The following SMCO4 variants were observed in gnomAD, a reference collection of about 807,000 sequenced individuals.
SMCO4 encodes single-pass membrane protein with coiled-coil domains 4, also known as single-pass membrane and coiled-coil domain-containing protein 4.
A neutral mutation model predicts 3.6 loss-of-function variants in SMCO4; 4 were observed. The observed-to-expected ratio is 1.11, with a 90% CI of 0.54 to 2.53. The LOEUF (loss-of-function observed/expected upper bound fraction) is 2.53, where lower values mean the gene tolerates loss of function less well. Ranked by LOEUF, SMCO4 falls within the 30% of genes most tolerant of loss-of-function variation. The pLI is 0.02. For missense variants in SMCO4, 70 were observed against 80.8 expected, an observed-to-expected ratio of 0.87 and a Z score of 0.51; for synonymous variants, 36 against 35.3, an observed-to-expected ratio of 1.02 and a Z score of -0.07.
chr11:93,530,188 G>A (rs1057389875), intron 1 of SMCO4, among the ~76,000 whole-genome samples: 1 of 152,182 alleles, frequency 6.6e-6, no homozygotes, highest in Non-Finnish European at 1.5e-5. Context: ...CAGGCATGGC[G>A]TTCACCAGGC....
At chr11:93,487,688 A>G (rs1483616169) in intron 2 of SMCO4, among the ~76,000 whole-genome samples, 3 of 152,194 alleles carry the variant, frequency 2.0e-5, no homozygotes, top group African/African-American at 7.2e-5. Context: ...GGATTAATAA[A>G]GTGCTTTTCT....
At chr11:93,508,419 G>A (rs963249653) in intron 1 of SMCO4, among the ~76,000 whole-genome samples, 1 of 152,196 alleles carries the variant, frequency 6.6e-6, no homozygotes, top group Non-Finnish European at 1.5e-5. Flanking sequence ...AAGTCAAACT[G>A]TAGGGCGTTG....
intron 1 of SMCO4, among the ~76,000 whole-genome samples, chr11:93,531,831 C>T (rs1949165659): frequency 6.6e-6 from 1 of 152,204 alleles, no homozygotes; most frequent in African/African-American, 2.4e-5. Context: ...TTCAAAGTCG[C>T]CCCTCTGCTC....
At chr11:93,553,048 G>A in the SMCO4 span, among the ~76,000 whole-genome samples, 5 of 152,290 alleles carry the variant, frequency 3.3e-5, no homozygotes, top group South Asian at 8.3e-4. Flanking sequence ...TTCCAGGCAT[G>A]GGATGTAGAC....
intron 2 of SMCO4, among the ~76,000 whole-genome samples, chr11:93,479,608 C>T (rs1334421068): frequency 6.6e-6 from 1 of 152,206 alleles, no homozygotes. Flanking sequence ...CTCTCCCTTT[C>T]GTGGCTCTAG....
At chr11:93,517,160 AC>A (rs1949014890) in intron 1 of SMCO4, among the ~76,000 whole-genome samples, 2 of 152,308 alleles carry the variant, frequency 1.3e-5, no homozygotes, top group Admixed American at 1.3e-4. Flanking sequence ...CAGAGGGCTA[AC>A]AAAAGATGCC....
chr11:93,522,528 A>C (rs1949067349), intron 1 of SMCO4, among the ~76,000 whole-genome samples: 1 of 152,258 alleles, frequency 6.6e-6, no homozygotes, highest in South Asian at 2.1e-4. Context: ...GAAATCCTTC[A>C]AATCTTTTAT....
chr11:93,508,378 T>C (rs902881411), intron 1 of SMCO4, among the ~76,000 whole-genome samples: 3 of 152,200 alleles, frequency 2.0e-5, no homozygotes, highest in African/African-American at 7.2e-5. Flanking sequence ...TCCATGAACA[T>C]ATGATTCTGA....
At position 93,478,997 on chromosome 11, in the gene SMCO4, C is replaced by T; in HGVS notation, c.*13G>A. 1 of 1,591,946 alleles carries T rather than the reference C, an allele frequency of 6.3e-7. No homozygotes were observed. Among genetic ancestry groups the T allele is most frequent in the Non-Finnish European group, 8.6e-7 (1 of 1,166,996 alleles). On this transcript the variant is annotated 3_prime_UTR_variant, in exon 3 of 3. Transcript: ENST00000298966. ...CTCTCCCTGCCGATGGGGTCCGCAG[C>T]CGGCTGCGGGGCTCACTCGGTGATG...
intron 2 of SMCO4, among the ~76,000 whole-genome samples, chr11:93,495,786 C>T (rs1310761212): frequency 6.6e-6 from 1 of 152,154 alleles, no homozygotes; most frequent in Non-Finnish European, 1.5e-5. Flanking sequence ...CCTCTGTGTT[C>T]TAGGAGTTGT....
chr11:93,490,068 G>T (rs1344572049), intron 2 of SMCO4, among the ~76,000 whole-genome samples: 1 of 152,236 alleles, frequency 6.6e-6, no homozygotes, highest in Non-Finnish European at 1.5e-5. Context: ...CTGCCTTGAG[G>T]AAAGGCTGCC....
At chr11:93,543,841 A>G (rs2134646942), upstream of SMCO4, among the ~76,000 whole-genome samples, 1 of 152,366 alleles carries the variant, frequency 6.6e-6, no homozygotes, top group Non-Finnish European at 1.5e-5. Context: ...AAACGAGTAG[A>G]TGAATGAGTT....
chr11:93,521,005 A>C (rs1412021831), intron 1 of SMCO4, among the ~76,000 whole-genome samples: 1 of 152,234 alleles, frequency 6.6e-6, no homozygotes, highest in Non-Finnish European at 1.5e-5. Context: ...ATACATTGCT[A>C]TATTCAGTTT....
At chr11:93,522,060 G>A (rs187174250) in intron 1 of SMCO4, among the ~76,000 whole-genome samples, 4 of 151,966 alleles carry the variant, frequency 2.6e-5, no homozygotes, top group African/African-American at 7.2e-5. Context: ...AGTTTGAAAA[G>A]CCCCAACTCT....
chr11:93,524,169 A>C (rs927559231), intron 1 of SMCO4, among the ~76,000 whole-genome samples: 1 of 152,190 alleles, frequency 6.6e-6, no homozygotes, highest in Admixed American at 6.5e-5. Flanking sequence ...TATCTCATAT[A>C]TATCTTACCA....
chr11:93,487,898 A>G (rs1422290801), intron 2 of SMCO4, among the ~76,000 whole-genome samples: 1 of 152,274 alleles, frequency 6.6e-6, no homozygotes, highest in Non-Finnish European at 1.5e-5. Context: ...AGATAAAAGT[A>G]TCTATCATTC....
At chr11:93,515,600 G>A (rs1046499051) in intron 1 of SMCO4, among the ~76,000 whole-genome samples, 2 of 152,130 alleles carry the variant, frequency 1.3e-5, no homozygotes, top group Admixed American at 6.5e-5. Flanking sequence ...ATTTCCAGGC[G>A]AATACACTCC....
At chr11:93,549,630 T>A in the SMCO4 span, among the ~76,000 whole-genome samples, 16,542 of 149,774 alleles carry the variant, frequency 0.11, 1,060 homozygotes, top group African/African-American at 0.17. Flanking sequence ...TTTATTTTTT[T>A]TTTTTTTATG....
intron 1 of SMCO4, among the ~76,000 whole-genome samples, chr11:93,518,892 G>C (rs530700436): frequency 4.6e-5 from 7 of 152,208 alleles, no homozygotes. Context: ...GGCCTTCTGT[G>C]ATCAGAGAAG....
Sources: allele counts gnomAD v4.1 joint callset (sites outside exome capture counted in the v4.1 genomes callset), GRCh38; gene constraint gnomAD v4.1.1; transcripts MANE v1.5; gene names NCBI Gene and HGNC (gene_info 2026-07-23, HGNC 2026-07-21).